Variants in ANLN observed in about 807,000 individuals in gnomAD.
The protein encoded by ANLN is anillin.
In ANLN, 59 loss-of-function variants were observed where a neutral mutation model predicts 135.1. The ratio of observed to expected loss-of-function variants is 0.44; its 90% confidence interval spans 0.35 to 0.54. ANLN has a LOEUF of 0.54. ANLN is among the 20% of genes least tolerant of loss of function. The pLI, the probability that ANLN is intolerant of heterozygous loss-of-function variation, is 0.00. For synonymous variants in ANLN, 406 were observed against 456.4 expected (o/e 0.89, Z 1.41); for missense variants, 1,182 against 1,340.0 (o/e 0.88, Z 1.84).
rs1482025901 is a variant in ANLN at position 36,426,872 on chromosome 7, C to T, written c.2771-44C>T. On this transcript the variant is annotated intron_variant, in intron 19 of 23. Coordinates refer to ENST00000265748, the MANE Select transcript of ANLN (RefSeq NM_018685.5). Reference sequence around the variant, plus strand: ...GTGAGGAATTGTTACTTATACTTAACAAAAGTCATTCTGAACTAAACTTAA... The same window carrying T: ...GTGAGGAATTGTTACTTATACTTAATAAAAGTCATTCTGAACTAAACTTAA... 3.8e-6 allele frequency: 5 copies of T among 1,301,024 alleles called. No homozygotes were observed. The South Asian group carries it at 7.1e-5, about 19-fold the overall frequency. The allele number at this position is 1,301,024 out of a possible 1,614,324, so 80.6% of individuals were successfully genotyped here.
chr7:36,406,540 G>A lies in ANLN; in HGVS notation c.847G>A (p.Val283Ile). The A allele has an allele frequency of 6.6e-7, 1 of 1,515,052 alleles. No homozygotes were observed. The highest frequency in any genetic ancestry group is 8.8e-7 in the Non-Finnish European group (1 of 1,131,266). The allele number at this position is 1,515,052 out of a possible 1,614,324, so 93.9% of individuals were successfully genotyped here. ...LSSSADDASL[V>I]NASISSSVKA... ...CTCAAGTGCTGATGATGCGTCTTTG[G>A]TTAATGCCTCAATTTCCAGCTCTGT... is the stretch of plus-strand genomic sequence containing the variant. Residue 283 changes from valine to isoleucine, a missense_variant, in exon 4 of 24, where the codon GTT becomes ATT. Physicochemically the swap from Val to Ile is conservative, Grantham distance 29 (BLOSUM62 3). Transcript: ENST00000265748.
At chr7:36,450,868 AC>A (rs1789215558) in intron 23 of ANLN, among the ~76,000 whole-genome samples, 3 of 152,330 alleles carry the variant, frequency 2.0e-5, no homozygotes, top group Non-Finnish European at 2.9e-5. Flanking sequence ...AATATCACTT[AC>A]ATTTTTTTGT....
Position 36,452,662 on chromosome 7 carries a change from G to A in ANLN, c.*62G>A. The A allele has an allele frequency of 3.2e-6, 5 of 1,581,962 alleles. No homozygotes were observed. The South Asian group carries it at 5.6e-5, about 18-fold the overall frequency. On this transcript the variant is annotated 3_prime_UTR_variant, in exon 24 of 24. Transcript: ENST00000265748. ...GTCATCTTAAGAAACACACTTAAGAGCATCAGATTTACTGATTGCATTTTA... is the reference window on the plus strand; with the variant it reads ...GTCATCTTAAGAAACACACTTAAGAACATCAGATTTACTGATTGCATTTTA...
At chr7:36,452,231 A>C (rs892125575) in intron 23 of ANLN, among the ~76,000 whole-genome samples, 2 of 152,240 alleles carry the variant, frequency 1.3e-5, no homozygotes, top group Non-Finnish European at 2.9e-5. Context: ...CACCTGTTGG[A>C]AACACCATCC....
At chr7:36,426,512 C>A (rs1252371057) in intron 19 of ANLN, among the ~76,000 whole-genome samples, 2 of 152,082 alleles carry the variant, frequency 1.3e-5, no homozygotes, top group Non-Finnish European at 2.9e-5. Flanking sequence ...GAGCTGGTTT[C>A]ACTCACTTCC....
At chr7:36,447,966 C>A (rs1055411527) in intron 22 of ANLN, among the ~76,000 whole-genome samples, 3 of 152,130 alleles carry the variant, frequency 2.0e-5, no homozygotes, top group African/African-American at 7.2e-5. Flanking sequence ...CACACACACA[C>A]CCCCTGCCAT....
Position 36,452,525 on chromosome 7 carries a change from A to G in ANLN, c.3300A>G (p.Gln1100=), listed in dbSNP as rs1185879045. ...AAGAAGAGCGGGATCTCTGGATGCA[A>G]AAACTCAATCAAGTTCTTGTTGATA... ...DTKEERDLWM[Q]KLNQVLVDIR... Residue 1100 remains glutamine, a synonymous_variant, in exon 24 of 24, where the codon CAA becomes CAG. Coordinates refer to ENST00000265748, the MANE Select transcript of ANLN (RefSeq NM_018685.5). 6 of 1,614,062 alleles carry G rather than the reference A, an allele frequency of 3.7e-6. No homozygotes were observed. The highest frequency in any genetic ancestry group is 5.1e-6 in the Non-Finnish European group (6 of 1,179,944).
chr7:36,445,939 A>T (rs1482465774), intron 22 of ANLN, among the ~76,000 whole-genome samples: 3 of 152,208 alleles, frequency 2.0e-5, no homozygotes, highest in Non-Finnish European at 2.9e-5. Flanking sequence ...ACTCTTATTT[A>T]AAAAAATTTT....
At chr7:36,436,828 G>A (rs892452331) in intron 20 of ANLN, among the ~76,000 whole-genome samples, 2 of 152,116 alleles carry the variant, frequency 1.3e-5, no homozygotes, top group African/African-American at 2.4e-5. Context: ...AGTTGTTTTA[G>A]TTGGGTTGTC....
Position 36,395,494 on chromosome 7 carries a change from T to A in ANLN, c.19-772T>A, listed in dbSNP as rs1234882567. Among the ~76,000 whole-genome samples the A allele has an allele frequency of 6.6e-5, 10 of 152,164 alleles. No individual in the cohort carries two copies. The South Asian group carries it at 1.7e-3, about 25-fold the overall frequency. On this transcript the variant is annotated intron_variant, in intron 1 of 23. Transcript: ENST00000265748. ...TTGGGCCTGACCAGATAATTCAGGATTATCTCCATCTAAAGATTCTTAATC... is the reference window on the plus strand; with the variant it reads ...TTGGGCCTGACCAGATAATTCAGGAATATCTCCATCTAAAGATTCTTAATC...
chr7:36,405,484 T>A (rs2116568822), intron 3 of ANLN, among the ~76,000 whole-genome samples: 1 of 152,338 alleles, frequency 6.6e-6, no homozygotes, highest in Admixed American at 6.5e-5. Flanking sequence ...GGGATTCCTC[T>A]TTCCTTGATT....
chr7:36,408,188 T>A (rs879284954), intron 5 of ANLN, among the ~76,000 whole-genome samples: 5 of 152,214 alleles, frequency 3.3e-5, no homozygotes, highest in Non-Finnish European at 5.9e-5. Context: ...TTAAACATGC[T>A]TTTTCCAGGA....
At position 36,406,373 on chromosome 7, in the gene ANLN, A is replaced by G. The variant is rs543214617; in HGVS notation, c.680A>G (p.Gln227Arg). 3 of 1,614,160 alleles carry G rather than the reference A, an allele frequency of 1.9e-6. No individual in the cohort carries two copies. Among genetic ancestry groups the G allele is most frequent in the African/African-American group, 2.7e-5 (2 of 75,070 alleles). The stretch of plus-strand genomic sequence containing the variant: ...TCATTTGCAAAACAAAACAGTGTAC[A>G]AGAACAGCCTGGTACCGCTTGTTTA... The part of the protein sequence containing the change: ...NHSFAKQNSV[Q>R]EQPGTACLSK... The change falls in exon 4 of 24, where the codon CAA (glutamine) becomes CGA (arginine). Residue 227 changes from glutamine (Q) to arginine (R), a missense_variant. This residue lies in a region of ANLN where 1,022 missense variants were observed against 1,134.0 expected (regional missense o/e 0.90). Coordinates refer to ENST00000265748, the MANE Select transcript of ANLN (RefSeq NM_018685.5).
At chr7:36,414,895 G>A (rs756359433) in intron 7 of ANLN, among the ~76,000 whole-genome samples, 8 of 152,106 alleles carry the variant, frequency 5.3e-5, no homozygotes, top group Non-Finnish European at 1.2e-4. Flanking sequence ...TTGTGTCTCA[G>A]TTCTCTCATC....
At chr7:36,419,960 A>ATT (rs974744979) in intron 10 of ANLN, among the ~76,000 whole-genome samples, 10 of 150,094 alleles carry the variant, frequency 6.7e-5, no homozygotes, top group African/African-American at 2.2e-4. Flanking sequence ...TTCAACTAGA[A>ATT]TTTTTTTTTT....
chr7:36,390,169 GTGTGCGGGCCGGGGTCGCCGCGGC>G (rs1786370881), intron 1 of ANLN, 125 bp downstream of exon 1: 1 of 1,546,674 alleles, frequency 6.5e-7, no homozygotes, highest in Admixed American at 1.8e-5. Context: ...CGTGCGCAGT[GTGTGCGGGCCGGGGTCGCCGCGGC>G]TGCGGCCTGC....
chr7:36,432,565 A>G (rs944074252), intron 20 of ANLN, among the ~76,000 whole-genome samples: 57 of 152,342 alleles, frequency 3.7e-4, no homozygotes, highest in Admixed American at 2.0e-3. Flanking sequence ...ATTTGTTTAC[A>G]TTTCTCCTGA....
intron 4 of ANLN, among the ~76,000 whole-genome samples, 171 bp from the exon 5 acceptor site, chr7:36,407,563 T>C (rs1316216400): frequency 4.0e-5 from 6 of 151,880 alleles, no homozygotes; most frequent in Admixed American, 6.6e-5. Context: ...TTTAAGTTGG[T>C]TTTTTTTCCC....
rs550606267 is a variant in ANLN, at chr7:36,412,295, G to A, written c.1395+1129G>A. Reference sequence around the variant, plus strand: ...TACCCTCCAGTCCACCTTATCAGTTGCTGCCAGAGAAATATATATATATAT... The same window carrying A: ...TACCCTCCAGTCCACCTTATCAGTTACTGCCAGAGAAATATATATATATAT... On this transcript the variant is annotated intron_variant, in intron 7 of 23. Transcript: ENST00000265748. 2.0e-4 allele frequency among the ~76,000 whole-genome samples: 27 copies of A among 135,010 alleles called. No individual in the cohort carries two copies. In the South Asian group the frequency reaches 6.6e-3, roughly 33 times the overall value. The allele number at this position is 135,010 out of a possible 152,430, so 88.6% of individuals were successfully genotyped here. A position where few individuals can be genotyped will look rare whatever the true frequency, so the allele number is the denominator to read the frequency against.
Sources: gnomAD v4.1 joint callset for allele counts (sites outside exome capture counted in the v4.1 genomes callset) on GRCh38, gnomAD v4.1.1 for gene constraint, gnomAD v4.1.1 regional missense constraint, MANE v1.5 for transcripts, NCBI Gene and HGNC (gene_info 2026-07-23, HGNC 2026-07-21) for gene names.